The following PDLIM3 variants were observed in gnomAD, a reference collection of about 807,000 sequenced individuals.
PDLIM3 encodes PDZ and LIM domain 3, also known as PDZ and LIM domain protein 3.
PDLIM3 carries 36 observed loss-of-function variants against 37.3 expected under a neutral mutation model. That is an observed-to-expected ratio of 0.97 (90% confidence interval 0.74 to 1.28). The LOEUF is 1.28. PDLIM3 is among the 50% of genes most tolerant of loss of function. The probability of loss-of-function intolerance (pLI) is 0.00; values close to 1 mark genes in which losing one functional copy is unlikely to be tolerated. For missense variants in PDLIM3, 454 were observed against 485.0 expected, an observed-to-expected ratio of 0.94 and a Z score of 0.60; for synonymous variants, 174 against 182.4, an observed-to-expected ratio of 0.95 and a Z score of 0.37.
chr4:185,506,469 C>T, intron 6 of PDLIM3, 53 bp downstream of exon 6: 2 of 1,609,842 alleles, frequency 1.2e-6, no homozygotes, highest in South Asian at 2.2e-5. Flanking sequence ...CCCGTCCCGC[C>T]CCCTGCAGTG....
At chr4:185,503,777 C>G (rs1029529204) in intron 7 of PDLIM3, among the ~76,000 whole-genome samples, 11 of 152,108 alleles carry the variant, frequency 7.2e-5, no homozygotes, top group Non-Finnish European at 4.4e-5. Context: ...GTGAAACCCC[C>G]TCTCTACCAA....
At chr4:185,503,618 T>G (rs72715912) in intron 7 of PDLIM3, among the ~76,000 whole-genome samples, 3,924 of 152,316 alleles carry the variant, frequency 0.026, 72 homozygotes, top group Non-Finnish European at 0.037. Flanking sequence ...TTATCTTGGT[T>G]GACTTGATCC....
chr4:185,514,870 G>A lies in PDLIM3; in HGVS notation c.331-533C>T, dbSNP rs1485688639. ...AAGGCTGGGCCCTTCTGTTGTGCGC[G>A]GTACCAATGGGTTTGAATTCCTGTA... On this transcript the variant is annotated intron_variant, in intron 3 of 7. Coordinates refer to ENST00000284767, the MANE Select transcript of PDLIM3 (RefSeq NM_014476.6). This position sits in a 1 kb window ranked among gnomAD's most constrained non-coding sequence, Gnocchi z 4.0. 1.7e-5 allele frequency: 26 copies of A among 1,550,882 alleles called. No homozygotes were observed. Among genetic ancestry groups the A allele is most frequent in the Non-Finnish European group, 2.2e-5 (25 of 1,146,752 alleles).
chr4:185,524,943 G>C, intron 2 of PDLIM3, 77 bp downstream of exon 2: 1 of 1,443,250 alleles, frequency 6.9e-7, no homozygotes, highest in South Asian at 1.1e-5. Context: ...TTGCTGGGAG[G>C]ATGAAGTTAT....
At chr4:185,512,132 G>C (rs932870916) in intron 4 of PDLIM3, 12 of 115,628 alleles carry the variant, frequency 1.0e-4, no homozygotes, top group African/African-American at 3.7e-4. Flanking sequence ...TCTCACGCTT[G>C]TTGCAGTGGC....
intron 4 of PDLIM3, among the ~76,000 whole-genome samples, chr4:185,509,920 T>A (rs1018207142): frequency 1.8e-4 from 2 of 11,310 alleles, no homozygotes; most frequent in African/African-American, 2.4e-4. Flanking sequence ...GGGTTTAAAT[T>A]TTTTTTTTTT....
rs2095694163 is a variant in PDLIM3 at position 185,504,937 on chromosome 4, AG to A, written c.794-352del. Among the ~76,000 whole-genome samples, 1 of 152,184 alleles carries A rather than the reference AG, an allele frequency of 6.6e-6. No homozygotes were observed. Among genetic ancestry groups the A allele is most frequent in the Non-Finnish European group, 1.5e-5 (1 of 68,026 alleles). On this transcript the variant is annotated intron_variant, in intron 6 of 7. Coordinates refer to ENST00000284767, the MANE Select transcript of PDLIM3 (RefSeq NM_014476.6). The surrounding 1 kb of genome is among the most constrained non-coding windows in gnomAD (Gnocchi z 4.7). ...TTAGGTACATCCAAAATGTTGTGCA[AG>A]CACTGCCAATATCCACCTCCAGAAC... is the stretch of plus-strand genomic sequence containing the variant.
chr4:185,514,637 G>T lies in PDLIM3; in HGVS notation c.331-300C>A. Reference sequence around the variant, plus strand: ...ATAAAACAGCAAGAGCTGGACTTTTGAAAAGAAAAGAAACCATGCTATCAC... The same window carrying T: ...ATAAAACAGCAAGAGCTGGACTTTTTAAAAGAAAAGAAACCATGCTATCAC... On this transcript the variant is annotated intron_variant, in intron 3 of 7. Coordinates refer to ENST00000284767, the MANE Select transcript of PDLIM3 (RefSeq NM_014476.6). The surrounding 1 kb of genome is among the most constrained non-coding windows in gnomAD (Gnocchi z 4.0). The T allele has an allele frequency of 1.4e-6, 2 of 1,432,866 alleles. No homozygotes were observed. The highest frequency in any genetic ancestry group is 1.9e-6 in the Non-Finnish European group (2 of 1,071,302). The allele number at this position is 1,432,866 out of a possible 1,614,324, so 88.8% of individuals were successfully genotyped here.
At chr4:185,518,570 G>A (rs2095718215) in intron 3 of PDLIM3, among the ~76,000 whole-genome samples, 1 of 151,980 alleles carries the variant, frequency 6.6e-6, no homozygotes, top group African/African-American at 2.4e-5. Context: ...TTTGATCAAG[G>A]CATGATGAAG....
At chr4:185,528,244 G>A (rs1481475069) in intron 1 of PDLIM3, among the ~76,000 whole-genome samples, 2 of 152,162 alleles carry the variant, frequency 1.3e-5, no homozygotes, top group African/African-American at 4.8e-5. Flanking sequence ...TGAGTGTAAG[G>A]TGGGATGAGT....
rs546996970 is a variant in PDLIM3, at chr4:185,501,775, T to A, written c.*519A>T. 5.0e-5 allele frequency: 8 copies of A among 159,284 alleles called. No individual in the cohort carries two copies. The East Asian group carries it at 1.4e-3, about 29-fold the overall frequency. The allele number at this position is 159,284 out of a possible 1,614,324, so 9.9% of individuals were successfully genotyped here. On this transcript the variant is annotated 3_prime_UTR_variant, in exon 8 of 8. Transcript: ENST00000284767. ...ATTTTTTAAATCTTTTATGTATTTATTATGTTTGTTGCATCGAGTGGCATA... is the reference window on the plus strand; with the variant it reads ...ATTTTTTAAATCTTTTATGTATTTAATATGTTTGTTGCATCGAGTGGCATA...
At chr4:185,509,118 G>A (rs2095702679) in intron 4 of PDLIM3, among the ~76,000 whole-genome samples, 1 of 152,208 alleles carries the variant, frequency 6.6e-6, no homozygotes, top group Non-Finnish European at 1.5e-5. Context: ...TAATTGAATA[G>A]TAATTGGTAA....
At chr4:185,526,215 A>C (rs1007992732) in intron 1 of PDLIM3, among the ~76,000 whole-genome samples, 2 of 152,258 alleles carry the variant, frequency 1.3e-5, no homozygotes, top group African/African-American at 4.8e-5. Context: ...AGTGTGAGTT[A>C]ACATGAGCGT....
At chr4:185,533,587 C>T (rs899250080) in intron 1 of PDLIM3, among the ~76,000 whole-genome samples, 1 of 151,934 alleles carries the variant, frequency 6.6e-6, no homozygotes, top group African/African-American at 2.4e-5. Flanking sequence ...GTTATTGAAC[C>T]AAATGTCAAA....
chr4:185,506,923 T>A (rs1188912593), intron 5 of PDLIM3: 2 of 399,484 alleles, frequency 5.0e-6, no homozygotes, highest in Non-Finnish European at 9.3e-6. Context: ...AAGATAATTG[T>A]CAGGAAATAG....
intron 5 of PDLIM3, 110 bp downstream of exon 5, chr4:185,508,189 C>G (rs898099630): frequency 5.4e-6 from 6 of 1,105,190 alleles, no homozygotes; most frequent in Non-Finnish European, 8.3e-6. Context: ...TTTAAAAAAG[C>G]TTTTCACATA....
chr4:185,524,923 G>A (rs1388664946), intron 2 of PDLIM3, 97 bp downstream of exon 2: 2 of 1,197,754 alleles, frequency 1.7e-6, no homozygotes, highest in Non-Finnish European at 1.2e-6. Context: ...TACTAGGTCT[G>A]TGGCCCTCCT....
intron 4 of PDLIM3, among the ~76,000 whole-genome samples, chr4:185,509,254 G>A (rs1199847737): frequency 1.3e-5 from 2 of 151,992 alleles, no homozygotes; most frequent in Non-Finnish European, 2.9e-5. Context: ...ATTGTTCAGT[G>A]GTTTAATACA....
intron 7 of PDLIM3, among the ~76,000 whole-genome samples, chr4:185,503,166 G>A (rs1436599709): frequency 2.0e-5 from 3 of 152,200 alleles, no homozygotes; most frequent in Non-Finnish European, 4.4e-5. Context: ...GGAGGTTGCA[G>A]TGAGCCGAGA....
Sources: allele counts gnomAD v4.1 joint callset (sites outside exome capture counted in the v4.1 genomes callset), GRCh38; gene constraint gnomAD v4.1.1; non-coding constraint Gnocchi (gnomAD v3.1); transcripts MANE v1.5; gene names NCBI Gene and HGNC (gene_info 2026-07-23, HGNC 2026-07-21).